The following SMCO4 variants were observed in gnomAD, a reference collection of about 807,000 sequenced individuals.
The protein encoded by SMCO4 is single-pass membrane protein with coiled-coil domains 4, also known as single-pass membrane and coiled-coil domain-containing protein 4.
A neutral mutation model predicts 3.6 loss-of-function variants in SMCO4; 4 were observed. The observed-to-expected ratio is 1.11, with a 90% CI of 0.54 to 2.53. The LOEUF (loss-of-function observed/expected upper bound fraction) is 2.53. SMCO4 is among the 30% of genes most tolerant of loss of function. SMCO4 has a pLI of 0.02. For missense variants in SMCO4, 70 were observed against 80.8 expected, an observed-to-expected ratio of 0.87 and a Z score of 0.51; for synonymous variants, 36 against 35.3, an observed-to-expected ratio of 1.02 and a Z score of -0.07.
At chr11:93,509,658 G>A (rs1948940718) in intron 1 of SMCO4, among the ~76,000 whole-genome samples, 1 of 152,152 alleles carries the variant, frequency 6.6e-6, no homozygotes, top group Non-Finnish European at 1.5e-5. Flanking sequence ...TGAAATAATG[G>A]CATTTACAGC....
At chr11:93,516,805 G>T (rs1255232752) in intron 1 of SMCO4, among the ~76,000 whole-genome samples, 1 of 149,266 alleles carries the variant, frequency 6.7e-6, no homozygotes, top group East Asian at 2.0e-4. Context: ...AGAAAAAAAA[G>T]AAAAAAAAGT....
At chr11:93,507,482 A>C (rs1455604246) in intron 1 of SMCO4, among the ~76,000 whole-genome samples, 1 of 152,200 alleles carries the variant, frequency 6.6e-6, no homozygotes, top group Non-Finnish European at 1.5e-5. Context: ...TTCAGATGAG[A>C]ATGGCAATGA....
intron 1 of SMCO4, among the ~76,000 whole-genome samples, chr11:93,515,916 C>T (rs1949003949): frequency 6.6e-6 from 1 of 152,202 alleles, no homozygotes; most frequent in East Asian, 1.9e-4. Flanking sequence ...CCTCTCCAGT[C>T]TGACCCCCTT....
Position 93,492,350 on chromosome 11 carries a change from T to C in SMCO4, c.-81+6926A>G, listed in dbSNP as rs142461147. Reference sequence around the variant, plus strand: ...ATTGACTGGTCCATCTGATCATTCATTGATTCACCAAATACAAGGCAGACT... The same window carrying C: ...ATTGACTGGTCCATCTGATCATTCACTGATTCACCAAATACAAGGCAGACT... On this transcript the variant is annotated intron_variant, in intron 2 of 2. Transcript: ENST00000298966. 1.9e-3 allele frequency among the ~76,000 whole-genome samples: 292 copies of C among 152,362 alleles called. 3 individuals are homozygous for C. The highest frequency in any genetic ancestry group is 6.7e-3 in the African/African-American group (280 of 41,580).
At chr11:93,491,449 A>G (rs1002111675) in intron 2 of SMCO4, among the ~76,000 whole-genome samples, 6 of 152,228 alleles carry the variant, frequency 3.9e-5, no homozygotes, top group African/African-American at 1.4e-4. Context: ...ACTGTGATAA[A>G]GCCTTCCGTG....
intron 2 of SMCO4, among the ~76,000 whole-genome samples, chr11:93,481,846 C>T (rs1591300745): frequency 6.6e-6 from 1 of 152,250 alleles, no homozygotes; most frequent in African/African-American, 2.4e-5. Flanking sequence ...AAATTCCTCA[C>T]AGGACTGGCA....
intron 1 of SMCO4, among the ~76,000 whole-genome samples, chr11:93,527,610 C>G (rs1949120847): frequency 6.6e-6 from 1 of 152,070 alleles, no homozygotes; most frequent in Admixed American, 6.6e-5. Context: ...GCACACACCA[C>G]CACGCATAAC....
rs543716183 is a variant in SMCO4, at chr11:93,503,504, A to C, written c.-153-4156T>G. 8.5e-5 allele frequency among the ~76,000 whole-genome samples: 13 copies of C among 152,318 alleles called. No individual in the cohort carries two copies. In the East Asian group the frequency reaches 2.5e-3, roughly 29 times the overall value. ...TCAGGTCCCAATCCTGAAACCTGGA[A>C]ATGTTATCTTAGGTGGAAAATGGTC... On this transcript the variant is annotated intron_variant, in intron 1 of 2. Coordinates refer to ENST00000298966, the MANE Select transcript of SMCO4 (RefSeq NM_020179.3).
At chr11:93,487,082 C>A (rs1344321827) in intron 2 of SMCO4, among the ~76,000 whole-genome samples, 2 of 152,084 alleles carry the variant, frequency 1.3e-5, no homozygotes, top group African/African-American at 4.8e-5. Context: ...GCTATAAGCC[C>A]AGGGAAGCTG....
chr11:93,516,814 G>T (rs77508387), intron 1 of SMCO4, among the ~76,000 whole-genome samples: 5,738 of 151,896 alleles, frequency 0.038, 269 homozygotes, highest in East Asian at 0.14. Flanking sequence ...AGAAAAAAAA[G>T]TAGAGAGAGA....
chr11:93,508,515 A>G (rs947631542), intron 1 of SMCO4, among the ~76,000 whole-genome samples: 3 of 152,228 alleles, frequency 2.0e-5, no homozygotes, highest in Non-Finnish European at 4.4e-5. Flanking sequence ...TAATGATTTA[A>G]GAAAGAAGAA....
intron 2 of SMCO4, among the ~76,000 whole-genome samples, chr11:93,493,100 T>A (rs1420878731): frequency 1.3e-5 from 2 of 152,194 alleles, no homozygotes; most frequent in Admixed American, 1.3e-4. Context: ...GTCCTCCTTT[T>A]TGCTGAACCT....
At chr11:93,515,559 GA>G in intron 1 of SMCO4, among the ~76,000 whole-genome samples, 1 of 152,280 alleles carries the variant, frequency 6.6e-6, no homozygotes, top group East Asian at 1.9e-4. Context: ...AAGAAAATTT[GA>G]AATAAGGAAG....
rs138332114 is a variant in SMCO4, at chr11:93,535,952, T to C, written c.-154+7324A>G. ...AAGATTAGGGTCTTTTTGGAAAGAA[T>C]AGTTGCAGTGTTTATAGGATAGTTG... On this transcript the variant is annotated intron_variant, in intron 1 of 2. Transcript: ENST00000298966. The C allele has an allele frequency of 3.5e-3, 5,088 of 1,455,554 alleles. 19 individuals are homozygous for C. Among genetic ancestry groups the C allele is most frequent in the Non-Finnish European group, 4.4e-3 (4,776 of 1,076,864 alleles). The allele number at this position is 1,455,554 out of a possible 1,614,324, so 90.2% of individuals were successfully genotyped here. A position where few individuals can be genotyped will look rare whatever the true frequency, so the allele number is the denominator to read the frequency against.
chr11:93,497,675 T>A (rs950819002), intron 2 of SMCO4, among the ~76,000 whole-genome samples: 5 of 152,190 alleles, frequency 3.3e-5, no homozygotes, highest in Admixed American at 2.0e-4. Flanking sequence ...CTGAACCCCA[T>A]TCACATCAGT....
At chr11:93,512,295 C>T (rs1246511312) in intron 1 of SMCO4, among the ~76,000 whole-genome samples, 6 of 152,128 alleles carry the variant, frequency 3.9e-5, no homozygotes, top group South Asian at 2.1e-4. Flanking sequence ...AAGCTGAAAA[C>T]GTCCTATTGT....
At chr11:93,479,884 TC>T (rs1305283357) in intron 2 of SMCO4, among the ~76,000 whole-genome samples, 1 of 152,016 alleles carries the variant, frequency 6.6e-6, no homozygotes, top group Non-Finnish European at 1.5e-5. Context: ...CTCAGTTGTG[TC>T]CCCACAGAGG....
intron 2 of SMCO4, among the ~76,000 whole-genome samples, chr11:93,492,842 T>G (rs1477755005): frequency 6.6e-6 from 1 of 152,232 alleles, no homozygotes; most frequent in Non-Finnish European, 1.5e-5. Flanking sequence ...GCACTCTCAA[T>G]GCTTACCATG....
chr11:93,545,723 A>G (rs1329882298), upstream of SMCO4, among the ~76,000 whole-genome samples: 1 of 152,196 alleles, frequency 6.6e-6, no homozygotes, highest in Non-Finnish European at 1.5e-5. Flanking sequence ...ATGGCTTCTA[A>G]TGAATCACCC....
Sources: gnomAD v4.1 joint callset for allele counts (sites outside exome capture counted in the v4.1 genomes callset) on GRCh38, gnomAD v4.1.1 for gene constraint, MANE v1.5 for transcripts, NCBI Gene and HGNC (gene_info 2026-07-23, HGNC 2026-07-21) for gene names.